The following RSRC1 variants were observed in gnomAD, a reference collection of about 807,000 sequenced individuals.
RSRC1 encodes arginine and serine rich coiled-coil 1.
A neutral mutation model predicts 49.1 loss-of-function variants in RSRC1; 39 were observed. That is an observed-to-expected ratio of 0.79 (90% CI 0.61 to 1.04). The LOEUF (loss-of-function observed/expected upper bound fraction) is 1.04. Ranked by LOEUF, RSRC1 falls within the 50% of genes least tolerant of loss-of-function variation. RSRC1 has a pLI of 0.00. For missense variants in RSRC1, 388 were observed against 402.4 expected (o/e 0.96, Z 0.31); for synonymous variants, 143 against 130.8 (o/e 1.09, Z -0.63).
intron 4 of RSRC1, chr3:158,275,765 C>A: frequency 2.1e-6 from 1 of 482,922 alleles, no homozygotes; most frequent in South Asian, 2.7e-5. Context: ...ACATGACTGC[C>A]CTAAATAGTT....
chr3:158,274,281 A>G (rs1725682500), intron 4 of RSRC1, among the ~76,000 whole-genome samples: 1 of 152,050 alleles, frequency 6.6e-6, no homozygotes, highest in South Asian at 2.1e-4. Context: ...ATTATTCAAC[A>G]TTATGTTAAA....
At chr3:158,324,445 A>G (rs1578337365) in intron 5 of RSRC1, among the ~76,000 whole-genome samples, 2 of 151,988 alleles carry the variant, frequency 1.3e-5, no homozygotes, top group East Asian at 1.9e-4. Context: ...AAGTGTTCTC[A>G]TTGTTCAATT....
intron 6 of RSRC1, among the ~76,000 whole-genome samples, chr3:158,402,607 G>A (rs937347787): frequency 2.0e-5 from 3 of 151,660 alleles, no homozygotes; most frequent in Non-Finnish European, 4.4e-5. Context: ...ATTAATAGAG[G>A]CAGAATTATT....
intron 7 of RSRC1, among the ~76,000 whole-genome samples, chr3:158,487,026 A>G (rs1738840730): frequency 6.6e-6 from 1 of 152,170 alleles, no homozygotes; most frequent in African/African-American, 2.4e-5. Flanking sequence ...TGTTTTTAAA[A>G]TATCTCGATT....
At chr3:158,329,953 C>G (rs1284899807) in intron 5 of RSRC1, among the ~76,000 whole-genome samples, 1 of 152,226 alleles carries the variant, frequency 6.6e-6, no homozygotes, top group Non-Finnish European at 1.5e-5. Context: ...CTCCACCAGC[C>G]TCGCTGCCGC....
At chr3:158,181,454 C>T (rs1048983483) in intron 3 of RSRC1, among the ~76,000 whole-genome samples, 1 of 152,072 alleles carries the variant, frequency 6.6e-6, no homozygotes, top group Non-Finnish European at 1.5e-5. Flanking sequence ...AATTATGACC[C>T]TTTGTGGACT....
At chr3:158,494,847 G>T (rs1219208658) in intron 7 of RSRC1, among the ~76,000 whole-genome samples, 1 of 152,090 alleles carries the variant, frequency 6.6e-6, no homozygotes, top group African/African-American at 2.4e-5. Flanking sequence ...GCAATAACAT[G>T]CATGGAGCTG....
rs186137081 is a variant in RSRC1, at chr3:158,351,706, G to A, written c.532-3151G>A. Among the ~76,000 whole-genome samples the A allele has an allele frequency of 1.9e-4, 29 of 151,820 alleles. No homozygotes were observed. The East Asian group carries it at 3.1e-3, about 16-fold the overall frequency. ...TTTAGTTAGAATGATCCTGAGATTTGGAGTCAGAGTCTTAGTTTTAGTTCA... is the reference window on the plus strand; with the variant it reads ...TTTAGTTAGAATGATCCTGAGATTTAGAGTCAGAGTCTTAGTTTTAGTTCA... On this transcript the variant is annotated intron_variant, in intron 5 of 9. Coordinates refer to ENST00000611884, the MANE Select transcript of RSRC1 (RefSeq NM_001271838.2).
chr3:158,201,348 T>C (rs1181005119), intron 3 of RSRC1, among the ~76,000 whole-genome samples: 1 of 152,162 alleles, frequency 6.6e-6, no homozygotes, highest in Non-Finnish European at 1.5e-5. Context: ...CTTCTTAATA[T>C]TTATCTTACT....
chr3:158,294,979 T>C (rs935773303), intron 4 of RSRC1, among the ~76,000 whole-genome samples: 1 of 152,182 alleles, frequency 6.6e-6, no homozygotes, highest in Non-Finnish European at 1.5e-5. Flanking sequence ...TATTGGGTGC[T>C]GGAATATAAA....
chr3:158,445,477 G>A (rs552785097), intron 6 of RSRC1, among the ~76,000 whole-genome samples: 1 of 152,130 alleles, frequency 6.6e-6, no homozygotes, highest in South Asian at 2.1e-4. Context: ...TCACAGGAAG[G>A]GGAACCTCAC....
At position 158,354,910 on chromosome 3, in the gene RSRC1, T is replaced by C; in HGVS notation, c.583+2T>C. On this transcript the variant is annotated splice_donor_variant, in intron 6 of 9. Transcript: ENST00000611884. LOFTEE classifies it high-confidence loss of function. Reference sequence around the variant, plus strand: ...TACAGCTGGTTCTTGAAGCTGCTGGTAAGTGTTGATAATTAACTTTTATTA... The same window carrying C: ...TACAGCTGGTTCTTGAAGCTGCTGGCAAGTGTTGATAATTAACTTTTATTA... The C allele has an allele frequency of 2.6e-6, 4 of 1,544,260 alleles. No homozygotes were observed. The highest frequency in any genetic ancestry group is 3.5e-6 in the Non-Finnish European group (4 of 1,149,440).
intron 5 of RSRC1, among the ~76,000 whole-genome samples, chr3:158,299,798 A>G (rs1033971107): frequency 2.3e-5 from 1 of 43,086 alleles, no homozygotes; most frequent in African/African-American, 1.2e-4. Flanking sequence ...ACTATTTCAC[A>G]CATTTATATT....
At chr3:158,249,524 A>T (rs958801448) in intron 4 of RSRC1, among the ~76,000 whole-genome samples, 1 of 152,164 alleles carries the variant, frequency 6.6e-6, no homozygotes, top group Non-Finnish European at 1.5e-5. Context: ...CTAGTGAGGG[A>T]TATTTTGGTT....
intron 6 of RSRC1, among the ~76,000 whole-genome samples, chr3:158,401,700 A>G (rs1733901705): frequency 6.6e-6 from 1 of 151,992 alleles, no homozygotes; most frequent in African/African-American, 2.4e-5. Flanking sequence ...AGAAACCGTG[A>G]TATGTAAGAT....
At chr3:158,453,107 T>G (rs989438583) in intron 6 of RSRC1, among the ~76,000 whole-genome samples, 6 of 152,178 alleles carry the variant, frequency 3.9e-5, no homozygotes, top group African/African-American at 1.2e-4. Flanking sequence ...GCTTTTGTAT[T>G]TCATAATATT....
In RSRC1 at chr3:158,174,726, A is replaced by G. The variant is rs150748015; in HGVS notation, c.321-28346A>G. Among the ~76,000 whole-genome samples, 801 of 152,168 alleles carry G rather than the reference A, an allele frequency of 5.3e-3. 2 individuals carry two copies. The highest frequency in any genetic ancestry group is 9.5e-3 in the Non-Finnish European group (647 of 67,910). On this transcript the variant is annotated intron_variant, in intron 3 of 9. Coordinates refer to ENST00000611884, the MANE Select transcript of RSRC1 (RefSeq NM_001271838.2). ...CTCATTCATCATTGTACAATATTCC[A>G]TAATATAAACATGCCACAATTTATC...
At chr3:158,194,698 C>T (rs1009017315) in intron 3 of RSRC1, among the ~76,000 whole-genome samples, 7 of 144,314 alleles carry the variant, frequency 4.9e-5, no homozygotes, top group African/African-American at 1.3e-4. Context: ...TTCCTGTGTC[C>T]GTGTGTTCTC....
At position 158,508,503 on chromosome 3, in the gene RSRC1, C is replaced by CT. The variant is rs375671503; in HGVS notation, c.653-28578dup. On this transcript the variant is annotated intron_variant, in intron 7 of 9. Transcript: ENST00000611884. The stretch of plus-strand genomic sequence containing the variant: ...AATGAGTGTCACCTTGTTTTTCTCT[C>CT]TTTTTTTTTTTAAATGCATATGTAG... 4.5e-3 allele frequency among the ~76,000 whole-genome samples: 664 copies of CT among 146,730 alleles called. 1 individual carries two copies. The highest frequency in any genetic ancestry group is 7.8e-3 in the African/African-American group (314 of 40,374).
Sources: allele counts gnomAD v4.1 joint callset (sites outside exome capture counted in the v4.1 genomes callset), GRCh38; gene constraint gnomAD v4.1.1; transcripts MANE v1.5; gene names NCBI Gene and HGNC (gene_info 2026-07-23, HGNC 2026-07-21).